The following TRAPPC12 variants were observed in gnomAD, a reference collection of about 807,000 sequenced individuals.
TRAPPC12 encodes trafficking protein particle complex subunit 12.
TRAPPC12 carries 61 observed loss-of-function variants against 69.2 expected under a neutral mutation model. That is an observed-to-expected ratio of 0.88 (90% CI 0.72 to 1.09). The LOEUF (loss-of-function observed/expected upper bound fraction) is 1.09. TRAPPC12 is among the 50% of genes least tolerant of loss of function. TRAPPC12 has a pLI of 0.00. For missense variants in TRAPPC12, 1,101 were observed against 1,016.4 expected (o/e 1.08, Z -1.13); for synonymous variants, 469 against 438.9 (o/e 1.07, Z -0.86).
At chr2:3,422,446 G>A (rs1463343571) in intron 4 of TRAPPC12, among the ~76,000 whole-genome samples, 1 of 152,178 alleles carries the variant, frequency 6.6e-6, no homozygotes. Flanking sequence ...AAAGAAAAGG[G>A]AATGCACAAA....
intron 7 of TRAPPC12, 178 bp downstream of exon 7, chr2:3,457,871 G>A (rs1665250004): frequency 7.0e-7 from 1 of 1,437,530 alleles, no homozygotes; most frequent in African/African-American, 1.4e-5. Context: ...ACTGGGTGAT[G>A]CTGTGGGTGC....
chr2:3,399,566 C>T (rs1661306924), intron 2 of TRAPPC12, among the ~76,000 whole-genome samples: 1 of 152,126 alleles, frequency 6.6e-6, no homozygotes, highest in African/African-American at 2.4e-5. Flanking sequence ...GTTTAGCACC[C>T]AGGGAAGAGA....
intron 2 of TRAPPC12, 103 bp from the exon 3 acceptor site, chr2:3,401,674 A>G (rs1572101213): frequency 3.0e-6 from 2 of 656,128 alleles, no homozygotes; most frequent in East Asian, 5.8e-5. Context: ...TACCTCCACA[A>G]GCCAGTGGAG....
intron 5 of TRAPPC12, among the ~76,000 whole-genome samples, chr2:3,430,176 A>T (rs1558376831): frequency 6.6e-6 from 1 of 152,226 alleles, no homozygotes; most frequent in Non-Finnish European, 1.5e-5. Flanking sequence ...ATAAGGATGA[A>T]CAATTAGGAT....
intron 2 of TRAPPC12, among the ~76,000 whole-genome samples, chr2:3,390,951 T>C (rs1660791825): frequency 6.6e-6 from 1 of 152,208 alleles, no homozygotes; most frequent in African/African-American, 2.4e-5. Flanking sequence ...AAATAAATTG[T>C]AAAATCTATT....
rs534247441 is a variant in TRAPPC12, at chr2:3,408,779, T to C, written c.1164+6886T>C. Among the ~76,000 whole-genome samples, 7 of 152,382 alleles carry C rather than the reference T, an allele frequency of 4.6e-5. No homozygotes were observed. In the South Asian group the frequency reaches 1.4e-3, roughly 32 times the overall value. The stretch of plus-strand genomic sequence containing the variant: ...AGAATGTTTGCTGCTGTATTACTTA[T>C]GTTACTTAGCCAAAAATTCTATTAA... On this transcript the variant is annotated intron_variant, in intron 3 of 11. Coordinates refer to ENST00000324266, the MANE Select transcript of TRAPPC12 (RefSeq NM_016030.6).
intron 5 of TRAPPC12, among the ~76,000 whole-genome samples, chr2:3,430,897 C>T (rs767390220): frequency 6.6e-6 from 1 of 151,854 alleles, no homozygotes; most frequent in Non-Finnish European, 1.5e-5. Context: ...GAGCTCTGCA[C>T]ACTGTTGCTG....
chr2:3,389,794 C>CGA (rs1558341804), intron 2 of TRAPPC12: 1 of 470,420 alleles, frequency 2.1e-6, no homozygotes, highest in Admixed American at 2.4e-5. Flanking sequence ...GGAGGGCGGA[C>CGA]GAGTTTTATT....
intron 8 of TRAPPC12, among the ~76,000 whole-genome samples, chr2:3,461,472 G>A (rs1270377948): frequency 6.6e-6 from 1 of 152,232 alleles, no homozygotes; most frequent in African/African-American, 2.4e-5. Flanking sequence ...CGACCGTGAC[G>A]CAGCCTCGCA....
At chr2:3,478,796 A>G (rs775877056) in intron 10 of TRAPPC12, 50 bp from the exon 11 acceptor site, 3 of 1,540,102 alleles carry the variant, frequency 1.9e-6, no homozygotes, top group Admixed American at 3.4e-5. Flanking sequence ...GTTGGGGGAC[A>G]GCAGCTCCTG....
intron 7 of TRAPPC12, among the ~76,000 whole-genome samples, chr2:3,459,468 C>T (rs1026445895): frequency 1.3e-5 from 2 of 152,150 alleles, no homozygotes; most frequent in Non-Finnish European, 2.9e-5. Flanking sequence ...AGCCCACCCT[C>T]CCCCCAGGGC....
At chr2:3,392,646 A>G (rs1323752758) in intron 2 of TRAPPC12, among the ~76,000 whole-genome samples, 1 of 152,236 alleles carries the variant, frequency 6.6e-6, no homozygotes, top group Admixed American at 6.5e-5. Context: ...CAAAATCACA[A>G]TGAGATATCA....
intron 9 of TRAPPC12, among the ~76,000 whole-genome samples, chr2:3,476,631 T>C (rs1234590176): frequency 6.6e-6 from 1 of 152,214 alleles, no homozygotes; most frequent in Non-Finnish European, 1.5e-5. Context: ...TGCAGAAACA[T>C]GACACCCATG....
At position 3,436,900 on chromosome 2, in the gene TRAPPC12, TCCCCACCACCCCTGGATTAATCC is replaced by T. The variant is rs1558382118; in HGVS notation, c.1418-6852_1418-6830del. ...TCTCCCCACCACCCCTGGATTAATC[TCCCCACCACCCCTGGATTAATCC>T]CCCCACCACCCCTGGATTAATCCCC... On this transcript the variant is annotated intron_variant, in intron 5 of 11. Transcript: ENST00000324266. 4.0e-4 allele frequency among the ~76,000 whole-genome samples: 14 copies of T among 35,442 alleles called. No individual in the cohort carries two copies. In the East Asian group the frequency reaches 0.012, roughly 30 times the overall value. 23.3% of individuals were successfully genotyped at this position (35,442 alleles called of 152,430 possible).
intron 1 of TRAPPC12, among the ~76,000 whole-genome samples, chr2:3,380,482 A>G (rs1660156794): frequency 6.6e-6 from 1 of 152,184 alleles, no homozygotes; most frequent in Admixed American, 6.6e-5. Context: ...TTAACGTGTC[A>G]TTTTTTCACT....
At chr2:3,458,168 G>A (rs1012304644) in intron 7 of TRAPPC12, 4 of 1,005,774 alleles carry the variant, frequency 4.0e-6, no homozygotes, top group Non-Finnish European at 4.8e-6. Flanking sequence ...CAGTTCCCTG[G>A]AGCATTGGAA....
chr2:3,476,776 T>G (rs1666308539), intron 9 of TRAPPC12, among the ~76,000 whole-genome samples: 1 of 152,124 alleles, frequency 6.6e-6, no homozygotes, highest in Admixed American at 6.5e-5. Context: ...GCCCTCCTCA[T>G]GGAGGTGAGC....
rs544680214 is a variant in TRAPPC12 at position 3,414,159 on chromosome 2, G to A, written c.1165-7722G>A. Among the ~76,000 whole-genome samples, 2 of 152,208 alleles carry A rather than the reference G, an allele frequency of 1.3e-5. No individual in the cohort carries two copies. Among genetic ancestry groups the A allele is most frequent in the East Asian group, 3.9e-4 (2 of 5,186 alleles). On this transcript the variant is annotated intron_variant, in intron 3 of 11. Coordinates refer to ENST00000324266, the MANE Select transcript of TRAPPC12 (RefSeq NM_016030.6). This position sits in a 1 kb window ranked among gnomAD's most constrained non-coding sequence, Gnocchi z 4.9. Reference sequence around the variant, plus strand: ...TATCATAAATTTAAATGGTTTCAAAGGATATAATTAATTTTTAGCACATAG... The same window carrying A: ...TATCATAAATTTAAATGGTTTCAAAAGATATAATTAATTTTTAGCACATAG...
intron 6 of TRAPPC12, among the ~76,000 whole-genome samples, chr2:3,448,731 G>A (rs4971508): frequency 1.4e-5 from 1 of 73,530 alleles, no homozygotes; most frequent in African/African-American, 5.7e-5. Context: ...AGCCGGTTAC[G>A]CGAGGGTAGG....
Sources: gnomAD v4.1 joint callset for allele counts (sites outside exome capture counted in the v4.1 genomes callset) on GRCh38, gnomAD v4.1.1 for gene constraint, Gnocchi (gnomAD v3.1) non-coding constraint, MANE v1.5 for transcripts, NCBI Gene and HGNC (gene_info 2026-07-23, HGNC 2026-07-21) for gene names.